The following RABGAP1L variants were observed in gnomAD, a reference collection of about 807,000 sequenced individuals.
The protein encoded by RABGAP1L is RAB GTPase activating protein 1 like, also known as rab GTPase-activating protein 1-like.
In RABGAP1L, 63 loss-of-function variants were observed where a neutral mutation model predicts 137.7. The observed-to-expected ratio is 0.46, with a 90% CI of 0.37 to 0.56. The LOEUF (loss-of-function observed/expected upper bound fraction) is 0.56, where lower values mean the gene tolerates loss of function less well. RABGAP1L is among the 20% of genes least tolerant of loss of function. RABGAP1L has a pLI of 0.00. For missense variants in RABGAP1L, 1,095 were observed against 1,244.0 expected (o/e 0.88, Z 1.80); for synonymous variants, 431 against 433.7 (o/e 0.99, Z 0.08).
chr1:174,834,600 C>T (rs1205870445), intron 19 of RABGAP1L, among the ~76,000 whole-genome samples: 1 of 147,662 alleles, frequency 6.8e-6, no homozygotes, highest in Non-Finnish European at 1.5e-5. Context: ...AAAGCCCATC[C>T]CCGCCCCCCC....
chr1:174,513,923 A>C (rs372075290), intron 13 of RABGAP1L, among the ~76,000 whole-genome samples: 1 of 152,160 alleles, frequency 6.6e-6, no homozygotes, highest in South Asian at 2.1e-4. Flanking sequence ...TTGTAAAGCC[A>C]AACTAACAAA....
intron 3 of RABGAP1L, 113 bp downstream of exon 3, chr1:174,221,277 T>C: frequency 1.2e-6 from 1 of 864,864 alleles, no homozygotes; most frequent in Non-Finnish European, 1.7e-6. Context: ...TCAGTTCTTG[T>C]TGAGAGTTTC....
intron 13 of RABGAP1L, among the ~76,000 whole-genome samples, chr1:174,568,638 C>G (rs1172186427): frequency 6.6e-6 from 1 of 151,980 alleles, no homozygotes. Context: ...GGAGTGTGCA[C>G]TTGAATTTAG....
chr1:174,257,057 A>G (rs935455746), intron 7 of RABGAP1L, among the ~76,000 whole-genome samples: 1 of 152,082 alleles, frequency 6.6e-6, no homozygotes, highest in African/African-American at 2.4e-5. Context: ...TCCCCCCAGT[A>G]CTATATAATT....
intron 5 of RABGAP1L, 146 bp downstream of exon 5, chr1:174,241,803 T>C: frequency 7.8e-6 from 6 of 764,404 alleles, no homozygotes; most frequent in Non-Finnish European, 1.2e-5. Flanking sequence ...GACATAGAAC[T>C]GAATGTGGAA....
intron 23 of RABGAP1L, among the ~76,000 whole-genome samples, chr1:174,980,259 T>C (rs1670980567): frequency 6.6e-6 from 1 of 152,206 alleles, no homozygotes; most frequent in South Asian, 2.1e-4. Flanking sequence ...CACGGACGAT[T>C]GATAAATAAA....
At chr1:174,525,848 A>G (rs537563458) in intron 13 of RABGAP1L, among the ~76,000 whole-genome samples, 2 of 152,110 alleles carry the variant, frequency 1.3e-5, no homozygotes, top group Non-Finnish European at 2.9e-5. Context: ...ATGAAGGGAC[A>G]TTGAATTTTG....
intron 11 of RABGAP1L, among the ~76,000 whole-genome samples, chr1:174,339,870 G>A (rs1462774358): frequency 6.6e-6 from 1 of 152,044 alleles, no homozygotes; most frequent in African/African-American, 2.4e-5. Context: ...GCCTCCCAAA[G>A]TGCTGGAATT....
chr1:174,349,242 C>T (rs1682793913), intron 11 of RABGAP1L, among the ~76,000 whole-genome samples: 1 of 143,844 alleles, frequency 7.0e-6, no homozygotes, highest in South Asian at 2.2e-4. Context: ...ACCCCTCCCA[C>T]CTCCCTCCCG....
intron 18 of RABGAP1L, among the ~76,000 whole-genome samples, chr1:174,769,924 G>A (rs1685984420): frequency 6.6e-6 from 1 of 152,136 alleles, no homozygotes. Context: ...AGTCTTTGAT[G>A]TACCAACTTG....
At chr1:174,280,082 A>AGAGG (rs1675382185) in intron 10 of RABGAP1L, among the ~76,000 whole-genome samples, 1 of 151,182 alleles carries the variant, frequency 6.6e-6, no homozygotes, top group Non-Finnish European at 1.5e-5. Context: ...AGAGAGAGAG[A>AGAGG]GAGAGAGAGA....
chr1:174,368,209 C>T (rs1480283731), intron 11 of RABGAP1L, among the ~76,000 whole-genome samples: 1 of 152,164 alleles, frequency 6.6e-6, no homozygotes, highest in African/African-American at 2.4e-5. Context: ...TGATAGTGTT[C>T]TCTGGAATAC....
chr1:174,883,964 C>G (rs1483667672), intron 19 of RABGAP1L, among the ~76,000 whole-genome samples: 4 of 152,126 alleles, frequency 2.6e-5, no homozygotes, highest in African/African-American at 4.8e-5. Context: ...TGTCAAAAGT[C>G]TTTGGGAATG....
intron 18 of RABGAP1L, among the ~76,000 whole-genome samples, chr1:174,772,960 A>G (rs569325447): frequency 4.3e-4 from 65 of 152,290 alleles, no homozygotes; most frequent in Non-Finnish European, 7.2e-4. Flanking sequence ...TTGTATTACT[A>G]TTTTATCAGT....
chr1:174,242,105 T>C (rs984269245), intron 5 of RABGAP1L, among the ~76,000 whole-genome samples: 4 of 152,246 alleles, frequency 2.6e-5, no homozygotes, highest in Non-Finnish European at 4.4e-5. Flanking sequence ...GTGGTTTTCA[T>C]TGATGATTAT....
intron 17 of RABGAP1L, among the ~76,000 whole-genome samples, chr1:174,746,772 A>T (rs1215279884): frequency 6.6e-6 from 1 of 152,164 alleles, no homozygotes; most frequent in South Asian, 2.1e-4. Context: ...AGTTACTTTG[A>T]TTTCTCTAAA....
At chr1:174,409,319 C>T (rs1391486744) in intron 13 of RABGAP1L, among the ~76,000 whole-genome samples, 1 of 152,150 alleles carries the variant, frequency 6.6e-6, no homozygotes, top group African/African-American at 2.4e-5. Context: ...GGACATTTAT[C>T]AGTCCCCAAA....
intron 19 of RABGAP1L, among the ~76,000 whole-genome samples, chr1:174,898,657 C>A (rs1219006871): frequency 6.6e-6 from 1 of 152,122 alleles, no homozygotes; most frequent in Non-Finnish European, 1.5e-5. Flanking sequence ...AACAGCAGTT[C>A]TCTGTTGGGC....
chr1:174,428,232 C>G (rs527868516), intron 13 of RABGAP1L, among the ~76,000 whole-genome samples: 2 of 152,074 alleles, frequency 1.3e-5, no homozygotes, highest in African/African-American at 4.8e-5. Context: ...GCACTGAGTA[C>G]GTATGATTGA....
Sources: gnomAD v4.1 joint callset for allele counts (sites outside exome capture counted in the v4.1 genomes callset) on GRCh38, gnomAD v4.1.1 for gene constraint, MANE v1.5 for transcripts, NCBI Gene and HGNC (gene_info 2026-07-23, HGNC 2026-07-21) for gene names.